RPS6KC1: variants seen among roughly 807,000 people sequenced by gnomAD.
The protein encoded by RPS6KC1 is inactive ribosomal protein S6 kinase delta-1.
RPS6KC1 carries 54 observed loss-of-function variants against 103.8 expected under a neutral mutation model. That is an observed-to-expected ratio of 0.52 (90% CI 0.42 to 0.65). The LOEUF (loss-of-function observed/expected upper bound fraction) is 0.65. Ranked by LOEUF, RPS6KC1 falls within the 30% of genes least tolerant of loss-of-function variation. The pLI is 0.00. For missense variants in RPS6KC1, 1,151 were observed against 1,253.8 expected, an observed-to-expected ratio of 0.92 and a Z score of 1.24; for synonymous variants, 439 against 438.7, an observed-to-expected ratio of 1.00 and a Z score of -0.01.
At chr1:213,385,381 C>T in the RPS6KC1 span, among the ~76,000 whole-genome samples, 2 of 152,146 alleles carry the variant, frequency 1.3e-5, no homozygotes, top group Non-Finnish European at 2.9e-5. Flanking sequence ...TTGCCCAGGG[C>T]CACACAGCTA....
At chr1:213,759,870 C>T in the RPS6KC1 span, among the ~76,000 whole-genome samples, 1 of 152,200 alleles carries the variant, frequency 6.6e-6, no homozygotes, top group Non-Finnish European at 1.5e-5. Flanking sequence ...CCCTCCTTCT[C>T]CCTCACCTAG....
chr1:213,283,086 AC>A, the RPS6KC1 span, among the ~76,000 whole-genome samples: 2 of 152,152 alleles, frequency 1.3e-5, no homozygotes, highest in Non-Finnish European at 2.9e-5. Context: ...AAGGGCAGGA[AC>A]TGTGTCTAAC....
At chr1:213,552,439 G>C in the RPS6KC1 span, among the ~76,000 whole-genome samples, 2 of 152,104 alleles carry the variant, frequency 1.3e-5, no homozygotes, top group Non-Finnish European at 2.9e-5. Flanking sequence ...GCATCTCATT[G>C]TTTTAATTAC....
the RPS6KC1 span, among the ~76,000 whole-genome samples, chr1:213,418,730 T>C: frequency 6.6e-6 from 1 of 152,180 alleles, no homozygotes; most frequent in Admixed American, 6.5e-5. Context: ...TTGTTGAGGC[T>C]CTTGGAGCCA....
At chr1:213,723,701 A>T in the RPS6KC1 span, among the ~76,000 whole-genome samples, 4 of 152,076 alleles carry the variant, frequency 2.6e-5, no homozygotes, top group Non-Finnish European at 5.9e-5. Flanking sequence ...GTCAAATTTC[A>T]CTCAATGGAA....
chr1:213,814,991 A>G, the RPS6KC1 span, among the ~76,000 whole-genome samples: 1 of 152,156 alleles, frequency 6.6e-6, no homozygotes, highest in Non-Finnish European at 1.5e-5. Flanking sequence ...CTGTGTCTCC[A>G]CCCAAATCTC....
chr1:213,171,817 G>A (rs1285064185), intron 7 of RPS6KC1, among the ~76,000 whole-genome samples: 3 of 152,156 alleles, frequency 2.0e-5, no homozygotes, highest in African/African-American at 4.8e-5. Context: ...GACCTAGTGC[G>A]GCTCAGGAGA....
the RPS6KC1 span, among the ~76,000 whole-genome samples, chr1:213,487,492 G>A: frequency 7.2e-6 from 1 of 138,924 alleles, no homozygotes; most frequent in South Asian, 2.2e-4. Context: ...AGCAGCCTGA[G>A]TGATTTTTTT....
At chr1:213,552,122 T>C in the RPS6KC1 span, among the ~76,000 whole-genome samples, 1 of 152,238 alleles carries the variant, frequency 6.6e-6, no homozygotes, top group South Asian at 2.1e-4. Flanking sequence ...ATCACATTCA[T>C]TTCCAAGTTT....
chr1:213,194,753 A>G (rs1436761360), intron 8 of RPS6KC1, among the ~76,000 whole-genome samples: 1 of 152,184 alleles, frequency 6.6e-6, no homozygotes, highest in Non-Finnish European at 1.5e-5. Flanking sequence ...AATGCCTGAT[A>G]ATCTGAGGTA....
intron 1 of RPS6KC1, among the ~76,000 whole-genome samples, chr1:213,068,867 G>A (rs1487511984): frequency 5.3e-5 from 6 of 112,380 alleles, no homozygotes; most frequent in Non-Finnish European, 8.9e-5. Context: ...AAAAAAAAGT[G>A]TATATATGTG....
chr1:213,403,424 G>C, the RPS6KC1 span, among the ~76,000 whole-genome samples: 1 of 152,094 alleles, frequency 6.6e-6, no homozygotes, highest in Non-Finnish European at 1.5e-5. Flanking sequence ...CATCCCTTTA[G>C]GCCGAGGATA....
the RPS6KC1 span, among the ~76,000 whole-genome samples, chr1:213,615,076 G>A: frequency 6.6e-6 from 1 of 152,194 alleles, no homozygotes; most frequent in Admixed American, 6.5e-5. Flanking sequence ...ATTCCTATGT[G>A]TGATGTGCTG....
At chr1:213,630,925 G>A in the RPS6KC1 span, among the ~76,000 whole-genome samples, 5 of 152,348 alleles carry the variant, frequency 3.3e-5, no homozygotes, top group East Asian at 7.7e-4. Context: ...CTGTCTGATT[G>A]TTCCTCTGGA....
chr1:213,370,956 T>C, the RPS6KC1 span, among the ~76,000 whole-genome samples: 3 of 152,190 alleles, frequency 2.0e-5, no homozygotes, highest in African/African-American at 7.2e-5. Context: ...TTATTTTTAA[T>C]TGTAGTAAAA....
chr1:213,373,700 G>A, the RPS6KC1 span, among the ~76,000 whole-genome samples: 1 of 152,114 alleles, frequency 6.6e-6, no homozygotes, highest in East Asian at 1.9e-4. Context: ...ATAAAAGCAG[G>A]CCAACAAGTA....
At chr1:213,075,620 C>T (rs2079265794) in intron 2 of RPS6KC1, among the ~76,000 whole-genome samples, 1 of 152,212 alleles carries the variant, frequency 6.6e-6, no homozygotes, top group African/African-American at 2.4e-5. Context: ...CTCAGAACTG[C>T]TGCTGCTTCC....
chr1:213,243,175 G>A (rs2094393730), intron 12 of RPS6KC1, among the ~76,000 whole-genome samples: 1 of 151,942 alleles, frequency 6.6e-6, no homozygotes, highest in South Asian at 2.1e-4. Flanking sequence ...TTTTTAAAAA[G>A]CATTTTTTGT....
chr1:213,103,510 T>C (rs1348712851), intron 3 of RPS6KC1, among the ~76,000 whole-genome samples: 3 of 152,164 alleles, frequency 2.0e-5, no homozygotes, highest in African/African-American at 7.2e-5. Flanking sequence ...CAGGTCCTTT[T>C]AGTTATCGTG....
Sources: gnomAD v4.1 joint callset for allele counts (sites outside exome capture counted in the v4.1 genomes callset) on GRCh38, gnomAD v4.1.1 for gene constraint, MANE v1.5 for transcripts, NCBI Gene and HGNC (gene_info 2026-07-23, HGNC 2026-07-21) for gene names.